Variants in LNPEP observed in about 807,000 individuals in gnomAD.
LNPEP encodes leucyl and cystinyl aminopeptidase.
In LNPEP, 64 loss-of-function variants were observed where a neutral mutation model predicts 120.6. The observed-to-expected ratio is 0.53, with a 90% CI of 0.43 to 0.65. The LOEUF is 0.65. Ranked by LOEUF, LNPEP falls within the 30% of genes least tolerant of loss-of-function variation. LNPEP has a pLI of 0.00. For missense variants in LNPEP, 1,057 were observed against 1,200.0 expected, an observed-to-expected ratio of 0.88 and a Z score of 1.76; for synonymous variants, 435 against 425.4, an observed-to-expected ratio of 1.02 and a Z score of -0.28.
chr5:97,022,684 T>C (rs534273141), intron 14 of LNPEP, among the ~76,000 whole-genome samples, 200 bp downstream of exon 14: 1 of 151,568 alleles, frequency 6.6e-6, no homozygotes, highest in East Asian at 1.9e-4. Flanking sequence ...ATGTGCACAA[T>C]GTGCAGGTTA....
chr5:96,954,759 T>TACATATATATATACAC (rs1231674074), intron 1 of LNPEP, among the ~76,000 whole-genome samples: 1 of 46,452 alleles, frequency 2.2e-5, no homozygotes, highest in South Asian at 5.3e-4. Context: ...CATATATATA[T>TACATATATATATACAC]ATATATATAT....
At position 96,979,443 on chromosome 5, in the gene LNPEP, AG is replaced by A. The variant is rs1790073243; in HGVS notation, c.327del (p.Thr110ProfsTer15). 6.2e-7 allele frequency: 1 copy of A among 1,613,980 alleles called. No individual in the cohort carries two copies. On this transcript the variant is annotated frameshift_variant, in exon 2 of 18. Transcript: ENST00000231368. LOFTEE classifies it high-confidence loss of function. Reference sequence around the variant, plus strand: ...TGGGGCTTGTTCAGTACCCTCTGCAAGGACCATGGTGGTCTGTGCTTTTGTC... The same window carrying A: ...TGGGGCTTGTTCAGTACCCTCTGCAAGACCATGGTGGTCTGTGCTTTTGTC... ...PDGACSVPSA[R>X]TMVVCAFVIV...
chr5:96,943,182 A>ATG (rs1239358060), intron 1 of LNPEP: 5 of 473,050 alleles, frequency 1.1e-5, no homozygotes, highest in Non-Finnish European at 1.6e-5. Context: ...ACCATTGCAG[A>ATG]TGCTTAAGTC....
At chr5:96,992,900 G>T in intron 4 of LNPEP, 115 bp from the exon 5 acceptor site, 3 of 697,068 alleles carry the variant, frequency 4.3e-6, no homozygotes, top group Non-Finnish European at 6.8e-6. Context: ...CTATCCAGAA[G>T]GATCTCATAC....
intron 13 of LNPEP, among the ~76,000 whole-genome samples, chr5:97,015,950 G>T (rs1490861712): frequency 6.6e-6 from 1 of 151,950 alleles, no homozygotes; most frequent in Non-Finnish European, 1.5e-5. Context: ...CAATGTGCAG[G>T]TTTGTTACAT....
chr5:97,032,244 T>G lies in LNPEP; in HGVS notation c.*3711T>G, dbSNP rs1791483990. 2 of 152,322 alleles carry G rather than the reference T, an allele frequency of 1.3e-5. No homozygotes were observed. Among genetic ancestry groups the G allele is most frequent in the Admixed American group, 1.3e-4 (2 of 15,300 alleles). The allele number at this position is 152,322 out of a possible 1,614,324, so 9.4% of individuals were successfully genotyped here. A position where few individuals can be genotyped will look rare whatever the true frequency, so the allele number is the denominator to read the frequency against. ...TAAATCTCTTTTTAAAGAGCTTCCT[T>G]CCCCCTTCATCCCATTTGTATTTTT... On this transcript the variant is annotated 3_prime_UTR_variant, in exon 18 of 18. Transcript: ENST00000231368.
rs528662637 is a variant in LNPEP, at chr5:96,938,743, T to C, written c.19+2569T>C. The stretch of plus-strand genomic sequence containing the variant: ...AATGCATATCCCTGGAAAGGGCTTA[T>C]AAGGATGGATCTTAGTGCTAGGAAT... On this transcript the variant is annotated intron_variant, in intron 1 of 17. Transcript: ENST00000231368. Among the ~76,000 whole-genome samples, 12 of 152,346 alleles carry C rather than the reference T, an allele frequency of 7.9e-5. No homozygotes were observed. In the South Asian group the frequency reaches 1.7e-3, roughly 21 times the overall value.
intron 1 of LNPEP, among the ~76,000 whole-genome samples, chr5:96,950,888 A>C (rs1384911710): frequency 6.6e-6 from 1 of 152,206 alleles, no homozygotes; most frequent in Non-Finnish European, 1.5e-5. Context: ...ATATGGGAAC[A>C]TAGTATAGGC....
intron 14 of LNPEP, among the ~76,000 whole-genome samples, chr5:97,023,469 G>A (rs1791264395): frequency 6.6e-6 from 1 of 152,076 alleles, no homozygotes; most frequent in Non-Finnish European, 1.5e-5. Context: ...AGCCAGGCTG[G>A]TCTTGAACTC....
intron 1 of LNPEP, among the ~76,000 whole-genome samples, chr5:96,945,405 CAAAA>C (rs751074987): frequency 6.4e-4 from 42 of 65,294 alleles, no homozygotes; most frequent in African/African-American, 2.3e-3. Flanking sequence ...GACCCTATCT[CAAAA>C]AAAAAAAAAA....
intron 1 of LNPEP, among the ~76,000 whole-genome samples, chr5:96,954,766 ATATATATTTTTTTT>A (rs1789415121): frequency 7.3e-5 from 3 of 40,956 alleles, no homozygotes; most frequent in African/African-American, 2.8e-4. Flanking sequence ...ATATATATAT[ATATATATTTTTTTT>A]TTTTTTTTTT....
In LNPEP at chr5:97,028,509, C is replaced by T; in HGVS notation, c.3054C>T (p.Leu1018=). The T allele has an allele frequency of 6.2e-7, 1 of 1,613,898 alleles. No homozygotes were observed. The highest frequency in any genetic ancestry group is 8.5e-7 in the Non-Finnish European group (1 of 1,179,832). Residue 1018 remains leucine (L), a synonymous_variant, in exon 18 of 18, where the codon CTC becomes CTT. Coordinates refer to ENST00000231368, the MANE Select transcript of LNPEP (RefSeq NM_005575.3). ...ATATCCAGTGGATGGAGAAGAACCT[C>T]AAAAGTCTCACATGGTGGCTGTAGC... ...QLNIQWMEKN[L]KSLTWWL
chr5:96,974,471 C>A (rs187988606), intron 1 of LNPEP, among the ~76,000 whole-genome samples: 16 of 152,256 alleles, frequency 1.1e-4, no homozygotes, highest in African/African-American at 3.9e-4. Context: ...TCCTTCACCT[C>A]CACATTTTGT....
At chr5:96,941,910 T>C (rs1181847279) in intron 1 of LNPEP, among the ~76,000 whole-genome samples, 6 of 152,346 alleles carry the variant, frequency 3.9e-5, no homozygotes, top group Admixed American at 1.3e-4. Flanking sequence ...AAAATGGTCA[T>C]GCCTTGATCC....
intron 1 of LNPEP, among the ~76,000 whole-genome samples, chr5:96,961,373 T>A (rs1350111057): frequency 6.6e-6 from 1 of 152,154 alleles, no homozygotes; most frequent in Non-Finnish European, 1.5e-5. Context: ...CTAGAGAAGT[T>A]AAAATTTAAA....
At position 97,029,540 on chromosome 5, in the gene LNPEP, G is replaced by T. The variant is rs545160357; in HGVS notation, c.*1007G>T. 3 of 152,268 alleles carry T rather than the reference G, an allele frequency of 2.0e-5. No individual in the cohort carries two copies. The highest frequency in any genetic ancestry group is 4.4e-5 in the Non-Finnish European group (3 of 68,028). 9.4% of individuals were successfully genotyped at this position (152,268 alleles called of 1,614,324 possible). ...GTGTGAATTTTCATTTTATATGATAGTGTAGCATATTAGAAGCATATTTTA... is the reference window on the plus strand; with the variant it reads ...GTGTGAATTTTCATTTTATATGATATTGTAGCATATTAGAAGCATATTTTA... On this transcript the variant is annotated 3_prime_UTR_variant, in exon 18 of 18. Transcript: ENST00000231368.
chr5:96,998,576 G>A (rs938800494), intron 8 of LNPEP, among the ~76,000 whole-genome samples: 1 of 152,120 alleles, frequency 6.6e-6, no homozygotes, highest in Non-Finnish European at 1.5e-5. Flanking sequence ...TGAAACACAC[G>A]CCCTGGGTTT....
intron 1 of LNPEP, among the ~76,000 whole-genome samples, chr5:96,966,511 TGTGTGTGTGTGTGTGTGTG>T (rs1561434382): frequency 0.022 from 293 of 13,244 alleles, 1 homozygote; most frequent in African/African-American, 0.037. Flanking sequence ...CATATATTTG[TGTGTGTGTGTGTGTGTGTG>T]TGTGTGTGTG....
chr5:96,984,151 G>A (rs892218255), intron 2 of LNPEP, among the ~76,000 whole-genome samples: 7 of 152,156 alleles, frequency 4.6e-5, no homozygotes, highest in Admixed American at 2.0e-4. Context: ...AAAACGAGAT[G>A]CAGATGAACT....
Sources: gnomAD v4.1 joint callset for allele counts (sites outside exome capture counted in the v4.1 genomes callset) on GRCh38, gnomAD v4.1.1 for gene constraint, MANE v1.5 for transcripts, NCBI Gene and HGNC (gene_info 2026-07-23, HGNC 2026-07-21) for gene names.